DTNA: variants seen among roughly 807,000 people sequenced by gnomAD.
DTNA encodes dystrophin-related protein 3.
DTNA carries 43 observed loss-of-function variants against 100.7 expected under a neutral mutation model. That is an observed-to-expected ratio of 0.43 (90% CI 0.33 to 0.55). The LOEUF (loss-of-function observed/expected upper bound fraction) is 0.55. Ranked by LOEUF, DTNA falls within the 20% of genes least tolerant of loss-of-function variation. The probability of loss-of-function intolerance (pLI) is 0.04; values close to 1 mark genes in which losing one functional copy is unlikely to be tolerated. For synonymous variants in DTNA, 349 were observed against 347.9 expected (o/e 1.00, Z -0.04); for missense variants, 798 against 953.9 (o/e 0.84, Z 2.15).
In DTNA at chr18:34,777,352, G is replaced by T. The variant is rs948641664; in HGVS notation, c.148+11311G>T. ...AAAATGATGTCAAAGATAGTGTATGGTTCAGTACCTATTAATTTTAAATGA... is the reference window on the plus strand; with the variant it reads ...AAAATGATGTCAAAGATAGTGTATGTTTCAGTACCTATTAATTTTAAATGA... On this transcript the variant is annotated intron_variant, in intron 3 of 22. Coordinates refer to ENST00000444659, the MANE Select transcript of DTNA (RefSeq NM_001386795.1). 9.2e-5 allele frequency among the ~76,000 whole-genome samples: 14 copies of T among 152,166 alleles called. 1 individual carries two copies. The highest frequency in any genetic ancestry group is 3.4e-4 in the African/African-American group (14 of 41,432).
intron 1 of DTNA, among the ~76,000 whole-genome samples, chr18:34,637,241 TCTG>T (rs2058759665): frequency 6.6e-6 from 1 of 152,212 alleles, no homozygotes; most frequent in Non-Finnish European, 1.5e-5. Flanking sequence ...TCAGGGCCAG[TCTG>T]TTGCTGTCAG....
intron 1 of DTNA, among the ~76,000 whole-genome samples, chr18:34,656,436 TCTC>T (rs2074382622): frequency 6.6e-6 from 1 of 152,178 alleles, no homozygotes. Flanking sequence ...TCGTTTTCCT[TCTC>T]CTCTTTAGGG....
intron 1 of DTNA, among the ~76,000 whole-genome samples, chr18:34,607,473 A>G (rs1330302264): frequency 1.3e-5 from 2 of 152,210 alleles, no homozygotes; most frequent in African/African-American, 4.8e-5. Flanking sequence ...TATTTTTTCT[A>G]CTTTGATTCT....
At chr18:34,529,667 A>G (rs1454317021) in intron 1 of DTNA, among the ~76,000 whole-genome samples, 1 of 152,128 alleles carries the variant, frequency 6.6e-6, no homozygotes, top group African/African-American at 2.4e-5. Flanking sequence ...TAATGAACAA[A>G]ATCTATGTAA....
chr18:34,690,874 C>A (rs1003850447), intron 1 of DTNA, among the ~76,000 whole-genome samples: 4 of 152,140 alleles, frequency 2.6e-5, no homozygotes, highest in Non-Finnish European at 5.9e-5. Flanking sequence ...AGAAATTGTT[C>A]TATATTCTCC....
chr18:34,504,675 TA>T (rs2040310531), intron 1 of DTNA, among the ~76,000 whole-genome samples: 1 of 152,232 alleles, frequency 6.6e-6, no homozygotes, highest in Admixed American at 6.5e-5. Context: ...CTTTGGACTC[TA>T]TGTATTCTGA....
intron 13 of DTNA, among the ~76,000 whole-genome samples, chr18:34,844,222 G>A (rs1171465679): frequency 3.3e-5 from 5 of 152,080 alleles, no homozygotes; most frequent in Non-Finnish European, 7.4e-5. Context: ...GAGTTTAAAG[G>A]TCTCCTTTAA....
chr18:34,780,245 A>G (rs919406215), intron 3 of DTNA, among the ~76,000 whole-genome samples: 1 of 152,234 alleles, frequency 6.6e-6, no homozygotes, highest in Admixed American at 6.5e-5. Flanking sequence ...AGAGCATAGT[A>G]CAAAAGATAT....
intron 1 of DTNA, among the ~76,000 whole-genome samples, chr18:34,642,269 C>A (rs2059357379): frequency 6.6e-6 from 1 of 152,106 alleles, no homozygotes; most frequent in African/African-American, 2.4e-5. Context: ...CACTGGGGTC[C>A]CCCCTTAAAG....
intron 1 of DTNA, among the ~76,000 whole-genome samples, chr18:34,661,711 A>G (rs1026377936): frequency 8.5e-5 from 13 of 152,120 alleles, no homozygotes; most frequent in Non-Finnish European, 1.8e-4. Flanking sequence ...CTCTCCATCC[A>G]CTGTTCCCAC....
chr18:34,873,080 A>T (rs568746294), intron 17 of DTNA, among the ~76,000 whole-genome samples: 1 of 152,358 alleles, frequency 6.6e-6, no homozygotes, highest in East Asian at 1.9e-4. Context: ...AAAGTGCTTT[A>T]TGGACTGCAA....
intron 1 of DTNA, among the ~76,000 whole-genome samples, chr18:34,543,606 C>T (rs989657604): frequency 6.6e-6 from 1 of 152,030 alleles, no homozygotes; most frequent in Non-Finnish European, 1.5e-5. Flanking sequence ...GCTGTAGCTA[C>T]CTGCTAACCA....
intron 1 of DTNA, among the ~76,000 whole-genome samples, chr18:34,666,495 C>G (rs1010316630): frequency 6.6e-6 from 1 of 151,822 alleles, no homozygotes; most frequent in Non-Finnish European, 1.5e-5. Context: ...AAGTCCTTGC[C>G]CATGCCTATG....
chr18:34,633,018 T>C (rs1599353706), intron 1 of DTNA, among the ~76,000 whole-genome samples: 4 of 152,190 alleles, frequency 2.6e-5, no homozygotes, highest in Admixed American at 2.6e-4. Context: ...TAGTAAATGG[T>C]AAAACCAGTA....
rs1018717434 is a variant in DTNA, at chr18:34,518,680, C to T, written c.-2+25166C>T. ...AAAAATGTCTTCAATTTTGACTTACCGTTTTTTTTTTTAATTTGGCAAACG... is the reference window on the plus strand; with the variant it reads ...AAAAATGTCTTCAATTTTGACTTACTGTTTTTTTTTTTAATTTGGCAAACG... On this transcript the variant is annotated intron_variant, in intron 1 of 19. Coordinates refer to the DTNA transcript ENST00000283365. Among the ~76,000 whole-genome samples the T allele has an allele frequency of 9.2e-5, 6 of 65,052 alleles. No homozygotes were observed. In the East Asian group the frequency reaches 5.7e-3, roughly 62 times the overall value. 42.7% of individuals were successfully genotyped at this position (65,052 alleles called of 152,430 possible).
intron 13 of DTNA, among the ~76,000 whole-genome samples, chr18:34,843,833 C>G (rs2096321114): frequency 6.6e-6 from 1 of 152,066 alleles, no homozygotes; most frequent in African/African-American, 2.4e-5. Context: ...CAAGATTTGA[C>G]TGACTCTTTT....
At chr18:34,670,722 G>A (rs1177910041) in intron 1 of DTNA, among the ~76,000 whole-genome samples, 1 of 152,212 alleles carries the variant, frequency 6.6e-6, no homozygotes, top group East Asian at 1.9e-4. Flanking sequence ...CAGCATTGGA[G>A]GCTGCAGAAC....
rs1032287633 is a variant in DTNA at position 34,890,056 on chromosome 18, G to A, written c.*2322G>A. 17 of 1,326,012 alleles carry A rather than the reference G, an allele frequency of 1.3e-5. No individual in the cohort carries two copies. The African/African-American group carries it at 1.3e-4, about 10-fold the overall frequency. 82.1% of individuals were successfully genotyped at this position (1,326,012 alleles called of 1,614,324 possible). A position where few individuals can be genotyped will look rare whatever the true frequency, so the allele number is the denominator to read the frequency against. On this transcript the variant is annotated 3_prime_UTR_variant, in exon 23 of 23. Transcript: ENST00000444659. ...TGAACTCAGAACTTAAATCCTGCAC[G>A]TGGCACTCCACCACTGACTGGACCG...
chr18:34,565,076 A>G (rs933990717), intron 1 of DTNA, among the ~76,000 whole-genome samples: 5 of 152,218 alleles, frequency 3.3e-5, no homozygotes, highest in African/African-American at 1.2e-4. Context: ...ATATTGTAAT[A>G]TGTAAGTAGG....
Sources: gnomAD v4.1 joint callset for allele counts (sites outside exome capture counted in the v4.1 genomes callset) on GRCh38, gnomAD v4.1.1 for gene constraint, MANE v1.5 for transcripts, NCBI Gene and HGNC (gene_info 2026-07-23, HGNC 2026-07-21) for gene names.